KCNAB1: variants seen among roughly 807,000 people sequenced by gnomAD.
KCNAB1 encodes voltage-gated potassium channel subunit beta-1.
KCNAB1 carries 35 observed loss-of-function variants against 64.6 expected under a neutral mutation model. The ratio of observed to expected loss-of-function variants is 0.54; its 90% confidence interval spans 0.41 to 0.72. The LOEUF is 0.72. Ranked by LOEUF, KCNAB1 falls within the 30% of genes least tolerant of loss-of-function variation. The pLI, the probability that KCNAB1 is intolerant of heterozygous loss-of-function variation, is 0.00. For missense variants in KCNAB1, 401 were observed against 512.9 expected (o/e 0.78, Z 2.11); for synonymous variants, 177 against 183.8 (o/e 0.96, Z 0.30).
chr3:156,512,406 G>A (rs571466579), intron 8 of KCNAB1, among the ~76,000 whole-genome samples: 1 of 152,380 alleles, frequency 6.6e-6, no homozygotes, highest in South Asian at 2.1e-4. Flanking sequence ...GGCAGAGACA[G>A]AGTTAAGGGA....
At chr3:156,423,396 C>T (rs1559877294) in intron 2 of KCNAB1, among the ~76,000 whole-genome samples, 1 of 151,894 alleles carries the variant, frequency 6.6e-6, no homozygotes, top group South Asian at 2.1e-4. Context: ...GCTAGTAGGG[C>T]GATTGATGGG....
At chr3:156,439,633 C>G (rs529474658) in intron 2 of KCNAB1, among the ~76,000 whole-genome samples, 1 of 152,212 alleles carries the variant, frequency 6.6e-6, no homozygotes, top group Admixed American at 6.5e-5. Flanking sequence ...AAGTTCTACT[C>G]TCTTATCGTA....
intron 1 of KCNAB1, among the ~76,000 whole-genome samples, chr3:156,369,738 G>C (rs957353440): frequency 6.6e-6 from 1 of 152,204 alleles, no homozygotes; most frequent in African/African-American, 2.4e-5. Context: ...ACATATAAAT[G>C]ATGTACTTAA....
At chr3:156,183,216 A>G (rs1712983085) in intron 1 of KCNAB1, among the ~76,000 whole-genome samples, 1 of 151,994 alleles carries the variant, frequency 6.6e-6, no homozygotes, top group Non-Finnish European at 1.5e-5. Context: ...CCCGGGAGGG[A>G]GACAAGGAAA....
chr3:156,254,396 G>C (rs534214487), intron 1 of KCNAB1, among the ~76,000 whole-genome samples: 1 of 152,264 alleles, frequency 6.6e-6, no homozygotes, highest in African/African-American at 2.4e-5. Context: ...TCTCACAGGA[G>C]CATTTTCCCA....
At chr3:156,451,723 C>T (rs1712018135) in intron 2 of KCNAB1, among the ~76,000 whole-genome samples, 1 of 152,144 alleles carries the variant, frequency 6.6e-6, no homozygotes, top group Non-Finnish European at 1.5e-5. Flanking sequence ...CCTGGTGCTC[C>T]CACATTTCAT....
Position 156,421,682 on chromosome 3 carries a change from G to C in KCNAB1, c.319+23G>C, listed in dbSNP as rs773180503. 5.0e-6 allele frequency: 8 copies of C among 1,611,568 alleles called. No individual in the cohort carries two copies. The South Asian group carries it at 8.8e-5, about 18-fold the overall frequency. ...TTGGTAAGTACTGAGGGTGTGACCT[G>C]GGGGTGGGCTGGAAGGTGGGAGACT... On this transcript the variant is annotated intron_variant, in intron 2 of 13. Coordinates refer to ENST00000490337, the MANE Select transcript of KCNAB1 (RefSeq NM_172160.3).
chr3:156,382,478 G>A (rs185530398), intron 1 of KCNAB1, among the ~76,000 whole-genome samples: 8 of 152,132 alleles, frequency 5.3e-5, no homozygotes, highest in Admixed American at 2.0e-4. Context: ...GAGAAACTCC[G>A]TCTCAAAACA....
intron 1 of KCNAB1, among the ~76,000 whole-genome samples, chr3:156,379,203 G>T (rs1300847629): frequency 1.3e-5 from 2 of 152,218 alleles, no homozygotes; most frequent in Non-Finnish European, 2.9e-5. Context: ...GAGCTTGGTT[G>T]ATTTAACAAA....
intron 1 of KCNAB1, among the ~76,000 whole-genome samples, chr3:156,267,260 A>C (rs1315211449): frequency 6.6e-6 from 1 of 152,174 alleles, no homozygotes; most frequent in East Asian, 1.9e-4. Context: ...TCATGTTAGA[A>C]CTGGCAGTAG....
rs59410120 is a variant in KCNAB1 at position 156,198,616 on chromosome 3, CTTTT to C, written c.275+77747_275+77750del. ...TCAGAGACTACGATTGCAAACCCTG[CTTTT>C]TTTTTTTTTTTTTTTTGCTTTCCAT... On this transcript the variant is annotated intron_variant, in intron 1 of 13. Coordinates refer to ENST00000490337, the MANE Select transcript of KCNAB1 (RefSeq NM_172160.3). Among the ~76,000 whole-genome samples the C allele has an allele frequency of 4.8e-3, 564 of 118,500 alleles. 26 individuals are homozygous for C. Among genetic ancestry groups the C allele is most frequent in the East Asian group, 0.034 (142 of 4,236 alleles). The allele number at this position is 118,500 out of a possible 152,430, so 77.7% of individuals were successfully genotyped here.
Position 156,120,748 on chromosome 3 carries a change from GCCTTAGTCCCT to G in KCNAB1, c.139_149del (p.Leu47ArgfsTer69), listed in dbSNP as rs768111009. On this transcript the variant is annotated frameshift_variant, in exon 1 of 14. Transcript: ENST00000490337. LOFTEE classifies it high-confidence loss of function. Reference sequence around the variant, plus strand: ...GCCTCAGAAAACGCTAAAGACAGCAGCCTTAGTCCCTCAGGGGAAAGCCAGCTCAGGGCGCG... The same window carrying G: ...GCCTCAGAAAACGCTAAAGACAGCAGCAGGGGAAAGCCAGCTCAGGGCGCG... The G allele has an allele frequency of 9.9e-5, 159 of 1,614,096 alleles. 1 individual carries two copies. Among genetic ancestry groups the G allele is most frequent in the Non-Finnish European group, 1.3e-4 (152 of 1,180,040 alleles).
chr3:156,506,019 C>T (rs1716813793), intron 8 of KCNAB1, among the ~76,000 whole-genome samples: 1 of 152,184 alleles, frequency 6.6e-6, no homozygotes, highest in East Asian at 1.9e-4. Context: ...AATCACATTT[C>T]TACATGAGAT....
intron 8 of KCNAB1, among the ~76,000 whole-genome samples, chr3:156,483,358 C>G (rs1026418969): frequency 3.3e-5 from 5 of 152,062 alleles, no homozygotes; most frequent in African/African-American, 9.7e-5. Context: ...CAATGGGTGG[C>G]TGACTGAAGA....
intron 4 of KCNAB1, 60 bp downstream of exon 4, chr3:156,457,592 C>T: frequency 7.1e-7 from 1 of 1,413,418 alleles, no homozygotes; most frequent in Non-Finnish European, 1.0e-6. Context: ...AGAATCAGCC[C>T]AGACCATTTC....
chr3:156,499,037 G>A (rs1365313806), intron 8 of KCNAB1, among the ~76,000 whole-genome samples: 1 of 152,218 alleles, frequency 6.6e-6, no homozygotes, highest in East Asian at 1.9e-4. Flanking sequence ...AAGGCATTTT[G>A]CTTGTTGACA....
intron 12 of KCNAB1, among the ~76,000 whole-genome samples, chr3:156,525,412 GA>G (rs1391913257): frequency 4.6e-5 from 7 of 151,814 alleles, no homozygotes; most frequent in Non-Finnish European, 7.4e-5. Context: ...TTTAAAAATA[GA>G]AAAAAAGCTT....
rs775076777 is a variant in KCNAB1 at position 156,315,909 on chromosome 3, A to T, written c.276-105707A>T. ...TTGAAATATGGGAAAATAATAGTAG[A>T]TAACCTGACAACATGTTTGTATCAT... On this transcript the variant is annotated intron_variant, in intron 1 of 13. Coordinates refer to ENST00000490337, the MANE Select transcript of KCNAB1 (RefSeq NM_172160.3). 7.1e-4 allele frequency among the ~76,000 whole-genome samples: 108 copies of T among 152,216 alleles called. 1 individual carries two copies. Among genetic ancestry groups the T allele is most frequent in the Non-Finnish European group, 1.2e-3 (81 of 68,032 alleles).
At chr3:156,462,297 G>C (rs1712974272) in intron 5 of KCNAB1, among the ~76,000 whole-genome samples, 1 of 152,206 alleles carries the variant, frequency 6.6e-6, no homozygotes, top group Non-Finnish European at 1.5e-5. Flanking sequence ...GAAAAACTAA[G>C]TCTGTGGCAG....
Sources: allele counts gnomAD v4.1 joint callset (sites outside exome capture counted in the v4.1 genomes callset), GRCh38; gene constraint gnomAD v4.1.1; transcripts MANE v1.5; gene names NCBI Gene and HGNC (gene_info 2026-07-23, HGNC 2026-07-21).